RXRG: variants seen among roughly 807,000 people sequenced by gnomAD.
RXRG encodes retinoic acid receptor RXR-gamma.
Under a neutral mutation model 49.2 loss-of-function variants are expected in RXRG, and 19 were observed. That is an observed-to-expected ratio of 0.39 (90% CI 0.27 to 0.57). The LOEUF is 0.57. Among genes scored for constraint, RXRG ranks in the 20% least tolerant of loss-of-function variants. RXRG has a pLI of 0.64. For synonymous variants in RXRG, 224 were observed against 216.6 expected, an observed-to-expected ratio of 1.03 and a Z score of -0.30; for missense variants, 452 against 592.5, an observed-to-expected ratio of 0.76 and a Z score of 2.46.
chr1:165,428,653 C>A, intron 2 of RXRG, 66 bp downstream of exon 2: 2 of 1,524,214 alleles, frequency 1.3e-6, no homozygotes, highest in South Asian at 2.6e-5. Flanking sequence ...TGGTTCTGCT[C>A]CAGGAGCAGC....
At chr1:165,439,575 T>G (rs1023188589) in intron 1 of RXRG, among the ~76,000 whole-genome samples, 1 of 152,202 alleles carries the variant, frequency 6.6e-6, no homozygotes, top group African/African-American at 2.4e-5. Flanking sequence ...CTGAGAGGCC[T>G]GAGCCTCTGG....
intron 9 of RXRG, 21 bp from the exon 10 acceptor site, chr1:165,401,431 A>G (rs1293568484): frequency 1.2e-6 from 2 of 1,613,144 alleles, no homozygotes; most frequent in South Asian, 2.2e-5. Context: ...GCCAAGAGGC[A>G]TCAGGGACAG....
chr1:165,411,779 G>C (rs1657958940), intron 4 of RXRG, among the ~76,000 whole-genome samples: 1 of 152,038 alleles, frequency 6.6e-6, no homozygotes, highest in Non-Finnish European at 1.5e-5. Flanking sequence ...CAAAGCTTAG[G>C]GTTTTCATCA....
At chr1:165,423,014 G>A (rs1272233656) in intron 2 of RXRG, among the ~76,000 whole-genome samples, 2 of 152,172 alleles carry the variant, frequency 1.3e-5, no homozygotes, top group Non-Finnish European at 2.9e-5. Context: ...GACTTGCTTT[G>A]GGGCACTTTC....
At chr1:165,439,679 A>C (rs543867379) in intron 1 of RXRG, among the ~76,000 whole-genome samples, 1 of 152,332 alleles carries the variant, frequency 6.6e-6, no homozygotes, top group South Asian at 2.1e-4. Context: ...CTTCCATAGC[A>C]GAGAAGGTTT....
chr1:165,444,768 C>T (rs541843566), intron 1 of RXRG, 77 bp downstream of exon 1: 1 of 1,205,114 alleles, frequency 8.3e-7, no homozygotes, highest in South Asian at 1.2e-5. Flanking sequence ...CAATACTAAT[C>T]CAGTCATTCG....
Position 165,406,925 on chromosome 1 carries a change from A to G in RXRG, c.1139-8T>C. The G allele has an allele frequency of 6.2e-7, 1 of 1,603,010 alleles. No homozygotes were observed. Among genetic ancestry groups the G allele is most frequent in the African/African-American group, 1.3e-5 (1 of 74,820 alleles). On this transcript the variant is annotated splice_region_variant and splice_polypyrimidine_tract_variant and intron_variant, in intron 8 of 9. Transcript: ENST00000359842. ...TGGACAGGCCCTTGGCATCTAAAAG[A>G]CATGACTGAGTTAGCCTTTGATTAC...
At chr1:165,407,139 T>G (rs549290223) in intron 8 of RXRG, among the ~76,000 whole-genome samples, 1 of 152,308 alleles carries the variant, frequency 6.6e-6, no homozygotes, top group African/African-American at 2.4e-5. Flanking sequence ...AATAGGCAAA[T>G]GTACCCACCA....
chr1:165,424,590 G>T (rs1268073863), intron 2 of RXRG, among the ~76,000 whole-genome samples: 1 of 152,292 alleles, frequency 6.6e-6, no homozygotes, highest in East Asian at 1.9e-4. Flanking sequence ...TGCCTTCATC[G>T]TACCAGTTCC....
intron 4 of RXRG, among the ~76,000 whole-genome samples, chr1:165,411,844 G>C (rs1019154484): frequency 6.6e-6 from 1 of 152,212 alleles, no homozygotes; most frequent in Non-Finnish European, 1.5e-5. Flanking sequence ...ATTGAAAGCA[G>C]ACTGCTGCCC....
chr1:165,437,107 G>A, intron 1 of RXRG: 3 of 1,363,560 alleles, frequency 2.2e-6, no homozygotes, highest in Non-Finnish European at 2.9e-6. Flanking sequence ...GTGTCATGGG[G>A]AAGCAGCCTC....
intron 1 of RXRG, among the ~76,000 whole-genome samples, chr1:165,441,646 A>G (rs1659007628): frequency 6.6e-6 from 1 of 152,202 alleles, no homozygotes; most frequent in East Asian, 1.9e-4. Flanking sequence ...TTAGTGTTAC[A>G]GTGTGTTTGT....
At chr1:165,405,017 C>T (rs1056113409) in intron 9 of RXRG, among the ~76,000 whole-genome samples, 4 of 152,062 alleles carry the variant, frequency 2.6e-5, no homozygotes, top group African/African-American at 7.2e-5. Flanking sequence ...CCTCAGCCTC[C>T]CAAAGTGCTG....
chr1:165,403,238 T>G (rs1199764157), intron 9 of RXRG, among the ~76,000 whole-genome samples: 2 of 152,164 alleles, frequency 1.3e-5, no homozygotes, highest in Non-Finnish European at 2.9e-5. Context: ...GCCAGCTCAT[T>G]TTTAACGTTA....
chr1:165,440,898 A>G (rs935054145), intron 1 of RXRG, among the ~76,000 whole-genome samples: 16 of 152,216 alleles, frequency 1.1e-4, no homozygotes, highest in Admixed American at 9.8e-4. Context: ...TCTCTTGGTG[A>G]GATTGTAAAT....
At chr1:165,424,749 AC>A (rs1658427809) in intron 2 of RXRG, 1 of 984,930 alleles carries the variant, frequency 1.0e-6, no homozygotes. Context: ...AATTGTACTT[AC>A]GCGAGAACCA....
Position 165,428,856 on chromosome 1 carries a change from G to A in RXRG, c.160C>T (p.Arg54Trp), listed in dbSNP as rs199523000. The A allele has an allele frequency of 2.3e-5, 37 of 1,614,170 alleles. No individual in the cohort carries two copies. The highest frequency in any genetic ancestry group is 1.6e-4 in the Middle Eastern group (1 of 6,062). Residue 54 changes from arginine (R) to tryptophan (W), a missense_variant, in exon 2 of 10, where the codon CGG becomes TGG. Physicochemically the swap from Arg to Trp is moderately radical, Grantham distance 101. Around this residue, in one of 2 missense-constraint regions of RXRG, gnomAD observed 166 missense variants for 151.7 expected, o/e 1.09. Transcript: ENST00000359842. ...GGGGTCCCCACTGCACTCAGAGTCC[G>A]TGGGGCACTCACTGGGGTATCTGTG... ...SYTDTPVSAP[R>W]TLSAVGTPLN...
chr1:165,404,208 T>C (rs1657672534), intron 9 of RXRG, among the ~76,000 whole-genome samples: 1 of 152,212 alleles, frequency 6.6e-6, no homozygotes. Context: ...ACCCCTGATG[T>C]ACCTACTGAG....
chr1:165,437,081 A>C (rs1658837558), intron 1 of RXRG: 10 of 1,339,144 alleles, frequency 7.5e-6, no homozygotes, highest in African/African-American at 1.5e-5. Context: ...CCTCCTTTTC[A>C]TTTTACTGGT....
Sources: gnomAD v4.1 joint callset for allele counts (sites outside exome capture counted in the v4.1 genomes callset) on GRCh38, gnomAD v4.1.1 for gene constraint, gnomAD v4.1.1 regional missense constraint, MANE v1.5 for transcripts, NCBI Gene and HGNC (gene_info 2026-07-23, HGNC 2026-07-21) for gene names.